The following BABAM2 variants were observed in gnomAD, a reference collection of about 807,000 sequenced individuals.
BABAM2 encodes BRISC and BRCA1-A complex member 2.
Under a neutral mutation model 54.7 loss-of-function variants are expected in BABAM2, and 31 were observed. That is an observed-to-expected ratio of 0.57 (90% CI 0.43 to 0.77). The LOEUF is 0.77. Among genes scored for constraint, BABAM2 ranks in the 30% least tolerant of loss-of-function variants. The pLI is 0.00. For synonymous variants in BABAM2, 167 were observed against 162.9 expected (o/e 1.03, Z -0.19); for missense variants, 364 against 455.8 (o/e 0.80, Z 1.83).
intron 10 of BABAM2, among the ~76,000 whole-genome samples, chr2:28,248,054 C>A (rs1490320137): frequency 6.6e-6 from 1 of 152,026 alleles, no homozygotes; most frequent in Non-Finnish European, 1.5e-5. Flanking sequence ...GAAACTTGCT[C>A]CCATCCAGAA....
At position 28,228,908 on chromosome 2, in the gene BABAM2, T is replaced by TGGTTA. The variant is rs371274706; in HGVS notation, c.681-8291_681-8287dup. Among the ~76,000 whole-genome samples, 211 of 152,338 alleles carry TGGTTA rather than the reference T, an allele frequency of 1.4e-3. 2 individuals carry two copies. Among genetic ancestry groups the TGGTTA allele is most frequent in the African/African-American group, 4.9e-3 (205 of 41,594 alleles). On this transcript the variant is annotated intron_variant, in intron 7 of 11. Coordinates refer to ENST00000379624, the MANE Select transcript of BABAM2 (RefSeq NM_199191.3). ...CAAAACACATTTCTGAACAAAGACT[T>TGGTTA]GGTTAGGGTTCATGCCATTAGACAT... is the stretch of plus-strand genomic sequence containing the variant.
intron 10 of BABAM2, among the ~76,000 whole-genome samples, chr2:28,295,562 C>T (rs917738302): frequency 4.6e-5 from 7 of 151,976 alleles, no homozygotes; most frequent in African/African-American, 1.7e-4. Context: ...GTGGCGCTGT[C>T]TCGGCTCACT....
At chr2:28,087,078 T>G (rs74738676) in intron 6 of BABAM2, among the ~76,000 whole-genome samples, 1 of 152,106 alleles carries the variant, frequency 6.6e-6, no homozygotes, top group Non-Finnish European at 1.5e-5. Context: ...AGACCAGGAG[T>G]GAGCTGTCTT....
chr2:28,002,740 A>C (rs2148515192), intron 4 of BABAM2, among the ~76,000 whole-genome samples: 1 of 152,304 alleles, frequency 6.6e-6, no homozygotes, highest in South Asian at 2.1e-4. Flanking sequence ...TGAAAGAGAG[A>C]ATACAGTTTA....
At chr2:28,079,781 C>T (rs1665004019) in intron 6 of BABAM2, among the ~76,000 whole-genome samples, 1 of 152,036 alleles carries the variant, frequency 6.6e-6, no homozygotes, top group Admixed American at 6.5e-5. Context: ...TTTCATTTCA[C>T]TGATTGAGAC....
intron 11 of BABAM2, among the ~76,000 whole-genome samples, chr2:28,337,640 T>C (rs551689534): frequency 1.3e-5 from 2 of 152,358 alleles, no homozygotes; most frequent in East Asian, 3.9e-4. Context: ...TTCTTTCCAG[T>C]AGACCAGACT....
intron 6 of BABAM2, among the ~76,000 whole-genome samples, chr2:28,074,684 A>T (rs1441358725): frequency 6.6e-6 from 1 of 151,722 alleles, no homozygotes; most frequent in Non-Finnish European, 1.5e-5. Flanking sequence ...TTTTTTCTTT[A>T]CTGACCTCCA....
At chr2:28,181,582 A>G (rs1425467243) in intron 7 of BABAM2, among the ~76,000 whole-genome samples, 1 of 152,176 alleles carries the variant, frequency 6.6e-6, no homozygotes, top group African/African-American at 2.4e-5. Context: ...GTACATAGAA[A>G]TGATAAATAC....
chr2:27,990,379 T>G (rs1278309003), intron 4 of BABAM2, among the ~76,000 whole-genome samples: 1 of 152,194 alleles, frequency 6.6e-6, no homozygotes, highest in Non-Finnish European at 1.5e-5. Flanking sequence ...TTAACAGATT[T>G]TGGTTTAATT....
chr2:27,975,988 CATT>C (rs1479429394), intron 3 of BABAM2, among the ~76,000 whole-genome samples: 7 of 152,020 alleles, frequency 4.6e-5, no homozygotes, highest in African/African-American at 1.7e-4. Flanking sequence ...AGATTAAAAT[CATT>C]ATGAGATGCC....
chr2:28,225,197 C>T (rs1246296514), intron 7 of BABAM2, among the ~76,000 whole-genome samples: 1 of 152,186 alleles, frequency 6.6e-6, no homozygotes. Context: ...GACAGGGCAG[C>T]CACAAGCTGT....
chr2:28,117,866 A>G (rs1361514568), intron 6 of BABAM2, among the ~76,000 whole-genome samples: 1 of 152,178 alleles, frequency 6.6e-6, no homozygotes, highest in African/African-American at 2.4e-5. Context: ...TATGTCCACT[A>G]TATCAACTGC....
chr2:28,224,852 A>C (rs541726575), intron 7 of BABAM2, among the ~76,000 whole-genome samples: 950 of 80,226 alleles, frequency 0.012, 6 homozygotes, highest in African/African-American at 0.04. Context: ...GTAAATTGAC[A>C]AAAAAAAAAA....
intron 6 of BABAM2, among the ~76,000 whole-genome samples, chr2:28,054,085 C>T (rs1678208033): frequency 6.6e-6 from 1 of 151,860 alleles, no homozygotes; most frequent in Non-Finnish European, 1.5e-5. Flanking sequence ...TAAATCCAGC[C>T]CAGGCATTGG....
chr2:28,099,313 G>A (rs1666872742), intron 6 of BABAM2, among the ~76,000 whole-genome samples: 2 of 152,068 alleles, frequency 1.3e-5, no homozygotes, highest in Admixed American at 1.3e-4. Flanking sequence ...TGCCCAGAAG[G>A]CCAAACTCTG....
At chr2:28,256,869 A>G (rs1684024787) in intron 10 of BABAM2, among the ~76,000 whole-genome samples, 1 of 151,864 alleles carries the variant, frequency 6.6e-6, no homozygotes, top group Non-Finnish European at 1.5e-5. Context: ...TAATTTTTGT[A>G]TTTTTGGTAG....
chr2:28,126,779 A>G (rs952956103), intron 6 of BABAM2, among the ~76,000 whole-genome samples: 7 of 148,778 alleles, frequency 4.7e-5, no homozygotes, highest in African/African-American at 1.0e-4. Flanking sequence ...AAGTGTTCCT[A>G]TTTCTCCACA....
intron 3 of BABAM2, among the ~76,000 whole-genome samples, chr2:27,958,473 A>T (rs1265641644): frequency 6.7e-6 from 1 of 149,720 alleles, no homozygotes; most frequent in Non-Finnish European, 1.5e-5. Context: ...TTTTATATAT[A>T]TACATATAAA....
intron 10 of BABAM2, among the ~76,000 whole-genome samples, chr2:28,260,687 C>A (rs180731316): frequency 4.6e-5 from 7 of 152,294 alleles, no homozygotes; most frequent in Non-Finnish European, 8.8e-5. Context: ...TTGTCAGTTT[C>A]TTCACAAAAA....
Sources: gnomAD v4.1 joint callset for allele counts (sites outside exome capture counted in the v4.1 genomes callset) on GRCh38, gnomAD v4.1.1 for gene constraint, MANE v1.5 for transcripts, NCBI Gene and HGNC (gene_info 2026-07-23, HGNC 2026-07-21) for gene names.